The following LEKR1 variants were observed in gnomAD, a reference collection of about 807,000 sequenced individuals.
LEKR1 encodes leucine, glutamate and lysine rich 1.
LEKR1 carries 59 observed loss-of-function variants against 72.4 expected under a neutral mutation model. The observed-to-expected ratio is 0.82, with a 90% CI of 0.66 to 1.01. The LOEUF is 1.01. Ranked by LOEUF, LEKR1 falls within the 50% of genes least tolerant of loss-of-function variation. The pLI is 0.00. For missense variants in LEKR1, 728 were observed against 759.2 expected (o/e 0.96, Z 0.48); for synonymous variants, 257 against 263.2 (o/e 0.98, Z 0.23).
chr3:156,918,883 A>C (rs562512441), intron 3 of LEKR1, among the ~76,000 whole-genome samples: 73 of 152,190 alleles, frequency 4.8e-4, no homozygotes, highest in African/African-American at 1.6e-3. Context: ...GTTTGTCTTC[A>C]CCAAAACTCA....
intron 10 of LEKR1, among the ~76,000 whole-genome samples, chr3:157,012,326 A>G (rs1732957655): frequency 6.6e-6 from 1 of 152,034 alleles, no homozygotes; most frequent in Admixed American, 6.6e-5. Context: ...TATGTCTTAA[A>G]TTTTCCTCTA....
chr3:156,984,792 A>G (rs1022986775), intron 7 of LEKR1, among the ~76,000 whole-genome samples: 1 of 152,076 alleles, frequency 6.6e-6, no homozygotes, highest in Non-Finnish European at 1.5e-5. Flanking sequence ...AATTTCATTA[A>G]CAGTCACCTA....
At position 156,890,008 on chromosome 3, in the gene LEKR1, C is replaced by T. The variant is rs73025879; in HGVS notation, c.264-30567C>T. 2.0e-3 allele frequency among the ~76,000 whole-genome samples: 304 copies of T among 152,270 alleles called. 2 individuals carry two copies. The highest frequency in any genetic ancestry group is 6.9e-3 in the African/African-American group (286 of 41,550). On this transcript the variant is annotated intron_variant, in intron 3 of 12. Coordinates refer to ENST00000356539, the MANE Select transcript of LEKR1 (RefSeq NM_001004316.3). ...TTGTTTGGCTTGCTTGCATCTCTGCCTCTCCATTTCCTCATCTGTCAAATG... is the reference window on the plus strand; with the variant it reads ...TTGTTTGGCTTGCTTGCATCTCTGCTTCTCCATTTCCTCATCTGTCAAATG...
chr3:156,850,872 G>A (rs1378241938), intron 2 of LEKR1, among the ~76,000 whole-genome samples: 1 of 152,174 alleles, frequency 6.6e-6, no homozygotes, highest in Non-Finnish European at 1.5e-5. Flanking sequence ...GGTATATTCA[G>A]TATAATGAGA....
At chr3:156,926,583 A>G (rs985545506) in intron 4 of LEKR1, among the ~76,000 whole-genome samples, 1 of 151,922 alleles carries the variant, frequency 6.6e-6, no homozygotes, top group African/African-American at 2.4e-5. Flanking sequence ...TTTTAGTTTC[A>G]GTCCCTTAAA....
At chr3:156,938,929 G>A (rs1274064256) in intron 5 of LEKR1, among the ~76,000 whole-genome samples, 2 of 152,186 alleles carry the variant, frequency 1.3e-5, no homozygotes, top group Admixed American at 1.3e-4. Context: ...TCAAGGTAAA[G>A]AAATTGATTG....
chr3:156,846,195 C>T (rs879713370), intron 2 of LEKR1, among the ~76,000 whole-genome samples: 5 of 152,114 alleles, frequency 3.3e-5, no homozygotes, highest in Non-Finnish European at 7.4e-5. Context: ...CCTTGCTGAA[C>T]TTACTAGTTC....
chr3:157,009,512 T>C (rs1175797072), intron 9 of LEKR1, among the ~76,000 whole-genome samples: 2 of 152,130 alleles, frequency 1.3e-5, no homozygotes, highest in Non-Finnish European at 2.9e-5. Context: ...AAAATAATGA[T>C]GTATTTTTCC....
intron 10 of LEKR1, among the ~76,000 whole-genome samples, chr3:157,013,047 C>A (rs1733023439): frequency 6.6e-6 from 1 of 151,982 alleles, no homozygotes; most frequent in Non-Finnish European, 1.5e-5. Flanking sequence ...GTCTCTCATA[C>A]CTACTCTTTA....
intron 3 of LEKR1, among the ~76,000 whole-genome samples, chr3:156,881,187 T>C (rs1375889448): frequency 2.0e-5 from 3 of 151,716 alleles, no homozygotes; most frequent in African/African-American, 4.8e-5. Context: ...GGATATTCAA[T>C]TAGGAAAAGA....
In LEKR1 at chr3:157,045,409, CA is replaced by C. The variant is rs1560168179; in HGVS notation, c.1740del (p.Ala581ProfsTer27). 6.2e-7 allele frequency: 1 copy of C among 1,613,972 alleles called. No homozygotes were observed. On this transcript the variant is annotated frameshift_variant, in exon 13 of 13. Coordinates refer to ENST00000356539, the MANE Select transcript of LEKR1 (RefSeq NM_001004316.3). LOFTEE classifies it low-confidence loss of function (END_TRUNC). ...CTTTGAACTGACAGAGGCTTTGAGT[CA>C]AGCCAGAGAACAGCTCCTGGAGCTC... is the stretch of plus-strand genomic sequence containing the variant. ...ERFELTEALS[Q>X]AREQLLELSK...
At chr3:156,919,676 C>CAACT (rs979411337) in intron 3 of LEKR1, among the ~76,000 whole-genome samples, 1 of 152,122 alleles carries the variant, frequency 6.6e-6, no homozygotes, top group Non-Finnish European at 1.5e-5. Flanking sequence ...CTGTTTATAG[C>CAACT]AACTACATGC....
At chr3:156,829,667 T>G (rs928800680) in intron 2 of LEKR1, among the ~76,000 whole-genome samples, 10 of 152,228 alleles carry the variant, frequency 6.6e-5, no homozygotes, top group Admixed American at 3.9e-4. Context: ...ATGTGTGTTT[T>G]AATGGGGCTG....
At chr3:156,863,767 C>T (rs985285152) in intron 3 of LEKR1, among the ~76,000 whole-genome samples, 2 of 151,932 alleles carry the variant, frequency 1.3e-5, no homozygotes, top group African/African-American at 2.4e-5. Flanking sequence ...GTTGAAGAAA[C>T]CAAACAAATA....
At chr3:156,852,514 A>G (rs1715484765) in intron 2 of LEKR1, among the ~76,000 whole-genome samples, 1 of 152,166 alleles carries the variant, frequency 6.6e-6, no homozygotes. Context: ...ATATTTCAAG[A>G]GTAAATTTTT....
intron 3 of LEKR1, among the ~76,000 whole-genome samples, chr3:156,919,933 C>T (rs146855506): frequency 2.8e-4 from 43 of 152,194 alleles, no homozygotes; most frequent in African/African-American, 1.0e-3. Flanking sequence ...CATGTTCTTC[C>T]AAATGACTTC....
intron 3 of LEKR1, among the ~76,000 whole-genome samples, chr3:156,857,224 A>G (rs1311776577): frequency 1.3e-5 from 2 of 151,988 alleles, no homozygotes. Flanking sequence ...ATACTAATGG[A>G]TTTTCTAATA....
At chr3:157,021,323 CT>C (rs2108031262) in intron 10 of LEKR1, among the ~76,000 whole-genome samples, 1 of 151,864 alleles carries the variant, frequency 6.6e-6, no homozygotes, top group East Asian at 1.9e-4. Flanking sequence ...GTTGCCATTG[CT>C]TTTGGTGTTT....
chr3:156,846,806 T>C (rs971947014), intron 2 of LEKR1, among the ~76,000 whole-genome samples: 1 of 152,072 alleles, frequency 6.6e-6, no homozygotes, highest in South Asian at 2.1e-4. Context: ...TATATGTATG[T>C]ATGTATGTAT....
Sources: allele counts gnomAD v4.1 joint callset (sites outside exome capture counted in the v4.1 genomes callset), GRCh38; gene constraint gnomAD v4.1.1; transcripts MANE v1.5; gene names NCBI Gene and HGNC (gene_info 2026-07-23, HGNC 2026-07-21).